Variants in TMEM67 observed in about 807,000 individuals in gnomAD.
TMEM67 encodes the protein meckelin.
TMEM67 carries 124 observed loss-of-function variants against 136.6 expected under a neutral mutation model. The observed-to-expected ratio is 0.91, with a 90% CI of 0.78 to 1.05. The LOEUF is 1.05. Ranked by LOEUF, TMEM67 falls within the 50% of genes least tolerant of loss-of-function variation. TMEM67 has a pLI of 0.00. For missense variants in TMEM67, 1,107 were observed against 1,178.4 expected, an observed-to-expected ratio of 0.94 and a Z score of 0.89; for synonymous variants, 364 against 390.5, an observed-to-expected ratio of 0.93 and a Z score of 0.80.
chr8:93,825,597 T>C, the TMEM67 span, among the ~76,000 whole-genome samples: 1 of 152,168 alleles, frequency 6.6e-6, no homozygotes, highest in Non-Finnish European at 1.5e-5. Flanking sequence ...AGAACCATGA[T>C]GGTGTCCTTC....
At chr8:93,808,525 C>CTA (rs1192421433) in intron 23 of TMEM67, among the ~76,000 whole-genome samples, 1 of 16,234 alleles carries the variant, frequency 6.2e-5, no homozygotes, top group Non-Finnish European at 1.3e-4. Flanking sequence ...TATTTATAAT[C>CTA]TATATATATC....
rs778346849 is a variant in TMEM67, at chr8:93,808,924, C to A, written c.2524C>A (p.His842Asn). The A allele has an allele frequency of 2.5e-6, 4 of 1,611,256 alleles. No individual in the cohort carries two copies. The East Asian group carries it at 6.7e-5, about 27-fold the overall frequency. Residue 842 changes from histidine (H) to asparagine (N), a missense_variant, in exon 24 of 28, where the codon CAT becomes AAT. Physicochemically the swap from His to Asn is moderately conservative, Grantham distance 68. Around this residue, in one of 3 missense-constraint regions of TMEM67, gnomAD observed 925 missense variants for 1,002.4 expected, o/e 0.92. Transcript: ENST00000453321. The part of the protein sequence containing the change: ...EIAISNQMRQ[H>N]YDRIHETLIR... ...TGCAATTTCTAACCAGATGAGACAA[C>A]ATTATGACAGAATTCATGAGACACT...
intron 23 of TMEM67, among the ~76,000 whole-genome samples, chr8:93,806,333 G>T (rs1815148829): frequency 6.6e-6 from 1 of 152,112 alleles, no homozygotes; most frequent in South Asian, 2.1e-4. Flanking sequence ...AACTAATTTT[G>T]TTAGGTATGA....
At chr8:93,807,065 G>T (rs1346154643) in intron 23 of TMEM67, among the ~76,000 whole-genome samples, 1 of 151,946 alleles carries the variant, frequency 6.6e-6, no homozygotes, top group African/African-American at 2.4e-5. Context: ...CATAATCAAA[G>T]AACTGAATAT....
intron 6 of TMEM67, among the ~76,000 whole-genome samples, chr8:93,771,261 TAA>T (rs36064473): frequency 2.0e-5 from 3 of 151,084 alleles, no homozygotes; most frequent in African/African-American, 7.3e-5. Flanking sequence ...TTTTTTTTTT[TAA>T]AAAAAAGCTT....
rs146205359 is a variant in TMEM67, at chr8:93,789,804, C to T, written c.1519-1459C>T. Among the ~76,000 whole-genome samples, 580 of 151,944 alleles carry T rather than the reference C, an allele frequency of 3.8e-3. 6 individuals are homozygous for T. The highest frequency in any genetic ancestry group is 0.014 in the African/African-American group (566 of 41,446). ...AAGTTAAGTCCGCTGGTCGTAGTGG[C>T]TCATGCCTGCAATCCCAGCACTATG... On this transcript the variant is annotated intron_variant, in intron 14 of 27. Coordinates refer to ENST00000453321, the MANE Select transcript of TMEM67 (RefSeq NM_153704.6).
At chr8:93,787,807 T>A (rs1321171692) in intron 13 of TMEM67, 37 bp from the exon 14 acceptor site, 1 of 1,463,430 alleles carries the variant, frequency 6.8e-7, no homozygotes, top group African/African-American at 1.4e-5. Flanking sequence ...AAGGCCCGGA[T>A]ATACTGATTA....
intron 16 of TMEM67, chr8:93,795,045 C>G (rs762117160): frequency 3.6e-4 from 98 of 268,928 alleles, no homozygotes; most frequent in Middle Eastern, 2.7e-3. Context: ...TCATTTTTAA[C>G]AAGGGGAGTG....
chr8:93,807,005 A>G (rs1284620990), intron 23 of TMEM67, among the ~76,000 whole-genome samples: 1 of 152,176 alleles, frequency 6.6e-6, no homozygotes, highest in East Asian at 1.9e-4. Context: ...TAAAATCTCA[A>G]TGGAAAAATG....
rs563366972 is a variant in TMEM67 at position 93,770,919 on chromosome 8, G to A, written c.652-1670G>A. On this transcript the variant is annotated intron_variant, in intron 6 of 27. Coordinates refer to ENST00000453321, the MANE Select transcript of TMEM67 (RefSeq NM_153704.6). Reference sequence around the variant, plus strand: ...AACCCCAGCTACTCAGGAGGCTGAGGCAGGAGAATCGCTTGAACCCAGGAG... The same window carrying A: ...AACCCCAGCTACTCAGGAGGCTGAGACAGGAGAATCGCTTGAACCCAGGAG... Among the ~76,000 whole-genome samples, 30 of 151,980 alleles carry A rather than the reference G, an allele frequency of 2.0e-4. No individual in the cohort carries two copies. In the East Asian group the frequency reaches 4.1e-3, roughly 21 times the overall value.
At chr8:93,808,741 T>C (rs556046637) in intron 23 of TMEM67, 99 bp from the exon 24 acceptor site, 3 of 747,240 alleles carry the variant, frequency 4.0e-6, no homozygotes, top group Non-Finnish European at 7.3e-6. Flanking sequence ...CTGAATCTTG[T>C]AATATGTGAT....
intron 4 of TMEM67, among the ~76,000 whole-genome samples, chr8:93,764,481 C>T (rs1812991525): frequency 7.4e-6 from 1 of 135,430 alleles, no homozygotes; most frequent in African/African-American, 2.8e-5. Flanking sequence ...CCTGTTCCCC[C>T]TTTGTGCATG....
Position 93,816,150 on chromosome 8 carries a change from G to A in TMEM67, c.2908-222G>A, listed in dbSNP as rs550975545. On this transcript the variant is annotated intron_variant, in intron 27 of 27. Transcript: ENST00000453321. ...TATTTCTGTGAACATGAGAGAATTT[G>A]TATTATTAATTCATAAGAATTTACT... 2.0e-5 allele frequency among the ~76,000 whole-genome samples: 3 copies of A among 152,216 alleles called. No individual in the cohort carries two copies. The South Asian group carries it at 6.2e-4, about 32-fold the overall frequency.
chr8:93,823,878 C>T (rs1409182006), downstream of TMEM67, among the ~76,000 whole-genome samples: 1 of 150,870 alleles, frequency 6.6e-6, no homozygotes, highest in Non-Finnish European at 1.5e-5. Flanking sequence ...TTTCAATCCA[C>T]TGAACAGTTC....
intron 26 of TMEM67, among the ~76,000 whole-genome samples, chr8:93,810,212 G>T (rs541579817): frequency 4.0e-5 from 6 of 149,444 alleles, no homozygotes; most frequent in Non-Finnish European, 7.4e-5. Flanking sequence ...CTCGTGATCC[G>T]CCCACCTCGG....
chr8:93,791,351 C>T, intron 15 of TMEM67, 32 bp downstream of exon 15: 1 of 1,396,886 alleles, frequency 7.2e-7, no homozygotes, highest in African/African-American at 1.4e-5. Flanking sequence ...AAAATATATA[C>T]AGTGTATTTT....
At chr8:93,762,114 G>A (rs748092121) in intron 3 of TMEM67, 1 of 152,128 alleles carries the variant, frequency 6.6e-6, no homozygotes, top group African/African-American at 2.4e-5. Flanking sequence ...AATTAGCTGG[G>A]CATGGTGGCA....
chr8:93,799,629 C>A lies in TMEM67; in HGVS notation c.2112C>A (p.Phe704Leu). ...TVLFFLEVVG[F>L]KNLALMDSSS... ...CCTTTTTACTCCAGGTTGTGGGATTCAAGAACTTAGCATTAATGGACTCAT... is the reference window on the plus strand; with the variant it reads ...CCTTTTTACTCCAGGTTGTGGGATTAAAGAACTTAGCATTAATGGACTCAT... The change falls in exon 21 of 28, where the codon TTC becomes TTA. Residue 704 changes from phenylalanine to leucine, a missense_variant. By Grantham distance (22) the Phe-to-Leu change is conservative. Around this residue, in one of 3 missense-constraint regions of TMEM67, gnomAD observed 925 missense variants for 1,002.4 expected, o/e 0.92. Coordinates refer to ENST00000453321, the MANE Select transcript of TMEM67 (RefSeq NM_153704.6). 1 of 1,612,524 alleles carries A rather than the reference C, an allele frequency of 6.2e-7. No individual in the cohort carries two copies. The highest frequency in any genetic ancestry group is 1.1e-5 in the South Asian group (1 of 91,044).
intron 20 of TMEM67, among the ~76,000 whole-genome samples, chr8:93,798,808 T>G (rs1188516163): frequency 6.6e-6 from 1 of 152,194 alleles, no homozygotes; most frequent in East Asian, 1.9e-4. Flanking sequence ...TTTTGGTTTT[T>G]CTTAAATGGA....
Sources: allele counts gnomAD v4.1 joint callset (sites outside exome capture counted in the v4.1 genomes callset), GRCh38; gene constraint gnomAD v4.1.1; regional missense constraint gnomAD v4.1.1; transcripts MANE v1.5; gene names NCBI Gene and HGNC (gene_info 2026-07-23, HGNC 2026-07-21).